Variants in TFDP2 observed in about 807,000 individuals in gnomAD.
TFDP2 encodes transcription factor Dp-2 (E2F dimerization partner 2).
Under a neutral mutation model 59.3 loss-of-function variants are expected in TFDP2, and 17 were observed. That is an observed-to-expected ratio of 0.29 (90% CI 0.20 to 0.43). TFDP2 has a LOEUF of 0.43. TFDP2 is among the 20% of genes least tolerant of loss of function. TFDP2 has a pLI of 1.00. For synonymous variants in TFDP2, 180 were observed against 194.7 expected, an observed-to-expected ratio of 0.92 and a Z score of 0.63; for missense variants, 391 against 528.8, an observed-to-expected ratio of 0.74 and a Z score of 2.56.
Position 141,946,900 on chromosome 3 carries a change from T to TCA in TFDP2, c.*5612_*5613insTG. On this transcript the variant is annotated 3_prime_UTR_variant, in exon 13 of 13. Coordinates refer to ENST00000489671, the MANE Select transcript of TFDP2 (RefSeq NM_001178139.2). Reference sequence around the variant, plus strand: ...AAAATTAGCCAGGCGTGGTGGCACATGTCTGTAATCCCAACTACTTGGGAG... The same window carrying TCA: ...AAAATTAGCCAGGCGTGGTGGCACATCAGTCTGTAATCCCAACTACTTGGGAG... 1 of 152,302 alleles carries TCA rather than the reference T, an allele frequency of 6.6e-6. No individual in the cohort carries two copies. Among genetic ancestry groups the TCA allele is most frequent in the Non-Finnish European group, 1.5e-5 (1 of 68,106 alleles). The allele number at this position is 152,302 out of a possible 1,614,324, so 9.4% of individuals were successfully genotyped here.
intron 3 of TFDP2, among the ~76,000 whole-genome samples, chr3:142,066,160 C>G (rs1019834266): frequency 1.3e-5 from 2 of 152,204 alleles, no homozygotes; most frequent in African/African-American, 4.8e-5. Flanking sequence ...GCAACTCTCT[C>G]AGTAGAACTC....
intron 6 of TFDP2, among the ~76,000 whole-genome samples, chr3:141,984,631 T>C (rs1302562081): frequency 1.3e-5 from 2 of 152,208 alleles, no homozygotes; most frequent in Non-Finnish European, 1.5e-5. Context: ...AGAGTTTCAA[T>C]ATGGGATGAT....
intron 3 of TFDP2, among the ~76,000 whole-genome samples, chr3:142,072,031 A>G (rs1484123001): frequency 3.3e-5 from 5 of 152,216 alleles, no homozygotes; most frequent in Non-Finnish European, 7.3e-5. Flanking sequence ...AGAATACACA[A>G]GGTGAGAAGA....
At position 141,953,024 on chromosome 3, in the gene TFDP2, A is replaced by C; in HGVS notation, c.1052-8T>G. The stretch of plus-strand genomic sequence containing the variant: ...AAGGTCCTGTGGAGATATCTAAAGG[A>C]AAAAATGAGAACAAAAAATGTCGGT... On this transcript the variant is annotated splice_region_variant and splice_polypyrimidine_tract_variant and intron_variant, in intron 11 of 12. Transcript: ENST00000489671. 6.3e-7 allele frequency: 1 copy of C among 1,599,348 alleles called. No individual in the cohort carries two copies. The highest frequency in any genetic ancestry group is 2.2e-5 in the East Asian group (1 of 44,782).
Position 142,097,286 on chromosome 3 carries a change from T to C in TFDP2, c.16-4159A>G, listed in dbSNP as rs74491347. 3.4e-3 allele frequency among the ~76,000 whole-genome samples: 511 copies of C among 152,210 alleles called. 2 individuals are homozygous for C. Among genetic ancestry groups the C allele is most frequent in the African/African-American group, 0.012 (481 of 41,540 alleles). On this transcript the variant is annotated intron_variant, in intron 2 of 12. Coordinates refer to ENST00000489671, the MANE Select transcript of TFDP2 (RefSeq NM_001178139.2). Reference sequence around the variant, plus strand: ...CATAGAATTTTTCTTCTGGAGATAATATGATGAGTGAGCAAAAACAGACAA... The same window carrying C: ...CATAGAATTTTTCTTCTGGAGATAACATGATGAGTGAGCAAAAACAGACAA...
At chr3:141,964,795 C>G (rs1426857362) in intron 9 of TFDP2, among the ~76,000 whole-genome samples, 1 of 152,218 alleles carries the variant, frequency 6.6e-6, no homozygotes, top group Non-Finnish European at 1.5e-5. Context: ...CAGAACTTCT[C>G]AGCAGCCTCT....
chr3:142,002,815 A>T (rs1288457662), intron 4 of TFDP2, among the ~76,000 whole-genome samples: 3 of 152,198 alleles, frequency 2.0e-5, no homozygotes, highest in African/African-American at 7.2e-5. Context: ...TTAGTCTGCT[A>T]TAACAAAATA....
At chr3:142,056,448 A>G (rs554385750) in intron 3 of TFDP2, among the ~76,000 whole-genome samples, 14 of 152,008 alleles carry the variant, frequency 9.2e-5, no homozygotes, top group African/African-American at 3.4e-4. Context: ...ACAGGTGCAC[A>G]GAGAAGACAA....
intron 10 of TFDP2, among the ~76,000 whole-genome samples, chr3:141,962,761 G>A (rs1937519005): frequency 6.6e-6 from 1 of 152,260 alleles, no homozygotes; most frequent in Admixed American, 6.5e-5. Flanking sequence ...AGAAGAGTGG[G>A]AAAACAAGTA....
intron 3 of TFDP2, among the ~76,000 whole-genome samples, chr3:142,052,757 T>C (rs936492248): frequency 1.3e-5 from 2 of 152,060 alleles, no homozygotes; most frequent in South Asian, 2.1e-4. Flanking sequence ...CCAAGGGTAG[T>C]TCCGCCTCCC....
At chr3:142,049,135 G>C (rs1055979236) in intron 3 of TFDP2, among the ~76,000 whole-genome samples, 5 of 152,050 alleles carry the variant, frequency 3.3e-5, no homozygotes, top group African/African-American at 9.7e-5. Context: ...TTCAGAAAAG[G>C]AATACAAACA....
intron 3 of TFDP2, among the ~76,000 whole-genome samples, chr3:142,039,671 T>G (rs1443016229): frequency 6.6e-6 from 1 of 152,168 alleles, no homozygotes; most frequent in Non-Finnish European, 1.5e-5. Context: ...GAACAGGGAC[T>G]GCCTAAAGCT....
intron 8 of TFDP2, among the ~76,000 whole-genome samples, chr3:141,973,112 TATATATA>T (rs1361999139): frequency 3.1e-4 from 35 of 111,618 alleles, no homozygotes; most frequent in African/African-American, 1.2e-3. Context: ...TATATATATA[TATATATA>T]TATATTTTTT....
intron 2 of TFDP2, among the ~76,000 whole-genome samples, chr3:142,095,496 A>C (rs1315317975): frequency 1.3e-5 from 2 of 152,228 alleles, no homozygotes; most frequent in Non-Finnish European, 2.9e-5. Context: ...AATCTCTAGA[A>C]TCTATCATCA....
chr3:142,038,383 C>CAAAAAAAAAAAAAAAAAA (rs1184364752), intron 3 of TFDP2, among the ~76,000 whole-genome samples: 1 of 41,440 alleles, frequency 2.4e-5, no homozygotes. Flanking sequence ...GACTCCATCT[C>CAAAAAAAAAAAAAAAAAA]AAAAAAAAAA....
chr3:142,002,527 A>C lies in TFDP2; in HGVS notation c.186+2914T>G, dbSNP rs1943876076. Among the ~76,000 whole-genome samples the C allele has an allele frequency of 3.9e-5, 6 of 152,068 alleles. No homozygotes were observed. In the South Asian group the frequency reaches 1.2e-3, roughly 32 times the overall value. Reference sequence around the variant, plus strand: ...ATAACATGTCCCTCACTCCTATCTGATACCTCATTATAATGGCCTTTACCA... The same window carrying C: ...ATAACATGTCCCTCACTCCTATCTGCTACCTCATTATAATGGCCTTTACCA... On this transcript the variant is annotated intron_variant, in intron 4 of 12. Coordinates refer to ENST00000489671, the MANE Select transcript of TFDP2 (RefSeq NM_001178139.2).
rs142162427 is a variant in TFDP2, at chr3:142,062,331, G to A, written c.82+30730C>T. Among the ~76,000 whole-genome samples the A allele has an allele frequency of 1.3e-4, 19 of 151,012 alleles. No individual in the cohort carries two copies. In the East Asian group the frequency reaches 3.8e-3, roughly 30 times the overall value. On this transcript the variant is annotated intron_variant, in intron 3 of 12. Transcript: ENST00000489671. ...GATTTTTGACTGCACAGGGAGGTCA[G>A]TGCCCCAACCACTGCGTTGTTCAAG...
intron 3 of TFDP2, among the ~76,000 whole-genome samples, chr3:142,049,683 T>C (rs1441607738): frequency 6.6e-6 from 1 of 152,172 alleles, no homozygotes; most frequent in Non-Finnish European, 1.5e-5. Flanking sequence ...ATAAACAAAA[T>C]ATTGGTCTAT....
At chr3:142,071,034 G>A (rs2060228964) in intron 3 of TFDP2, among the ~76,000 whole-genome samples, 1 of 152,164 alleles carries the variant, frequency 6.6e-6, no homozygotes, top group Admixed American at 6.5e-5. Flanking sequence ...ACCCAGAGAG[G>A]AGCATATAGA....
Sources: gnomAD v4.1 joint callset for allele counts (sites outside exome capture counted in the v4.1 genomes callset) on GRCh38, gnomAD v4.1.1 for gene constraint, MANE v1.5 for transcripts, NCBI Gene and HGNC (gene_info 2026-07-23, HGNC 2026-07-21) for gene names.